ZNF675: variants seen among roughly 807,000 people sequenced by gnomAD.
ZNF675 encodes the protein zinc finger protein 675, also known as TRAF6 inhibitory zinc finger.
ZNF675 carries 36 observed loss-of-function variants against 56.1 expected under a neutral mutation model. The ratio of observed to expected loss-of-function variants is 0.64; its 90% CI spans 0.49 to 0.85. The LOEUF is 0.85. Ranked by LOEUF, ZNF675 falls within the 40% of genes least tolerant of loss-of-function variation. The probability of loss-of-function intolerance (pLI) is 0.00; values close to 1 mark genes in which losing one functional copy is unlikely to be tolerated. For synonymous variants in ZNF675, 200 were observed against 218.9 expected (o/e 0.91, Z 0.76); for missense variants, 663 against 654.2 (o/e 1.01, Z -0.15).
chr19:23,677,098 G>A (rs146253291), intron 1 of ZNF675, among the ~76,000 whole-genome samples: 6 of 143,450 alleles, frequency 4.2e-5, no homozygotes, highest in South Asian at 2.1e-4. Context: ...AAAGAGAAAA[G>A]AAAAAAAAGA....
At chr19:23,678,345 C>T (rs1484637172) in intron 1 of ZNF675, among the ~76,000 whole-genome samples, 1 of 149,538 alleles carries the variant, frequency 6.7e-6, no homozygotes, top group African/African-American at 2.5e-5. Context: ...GCAACCTCCA[C>T]ATCCTGGGTT....
intron 1 of ZNF675, among the ~76,000 whole-genome samples, chr19:23,683,392 CT>C (rs1968401868): frequency 1.3e-5 from 2 of 148,858 alleles, no homozygotes; most frequent in Admixed American, 6.6e-5. Flanking sequence ...CAATTATCTA[CT>C]ACATTTTCTT....
At chr19:23,662,549 T>TA (rs1472429023) in intron 2 of ZNF675, among the ~76,000 whole-genome samples, 1 of 152,190 alleles carries the variant, frequency 6.6e-6, no homozygotes, top group Non-Finnish European at 1.5e-5. Context: ...TGAAACATAC[T>TA]AAAGAAATTC....
intron 1 of ZNF675, among the ~76,000 whole-genome samples, chr19:23,672,471 G>A (rs1238222204): frequency 6.6e-6 from 1 of 152,120 alleles, no homozygotes; most frequent in Non-Finnish European, 1.5e-5. Context: ...CTCAAAAAGG[G>A]GTTTTAATAT....
intron 1 of ZNF675, among the ~76,000 whole-genome samples, chr19:23,678,589 T>C (rs1273004625): frequency 7.1e-6 from 1 of 140,896 alleles, no homozygotes; most frequent in African/African-American, 2.6e-5. Flanking sequence ...AAAAATTAAA[T>C]ACATATGGAA....
In ZNF675 at chr19:23,654,409, T is replaced by C; in HGVS notation, c.524A>G (p.Lys175Arg). ...KHMENKPFKC[K>R]ECGRSFCMLS... ...CATGCAAAATGATCTGCCACATTCT[T>C]TACATTTGAAAGGTTTATTTTCCAT... Residue 175 changes from lysine to arginine, a missense_variant, in exon 4 of 4, where the codon AAA (lysine) becomes AGA (arginine). Lys to Arg is a conservative substitution (Grantham distance 26). Coordinates refer to ENST00000359788, the MANE Select transcript of ZNF675 (RefSeq NM_138330.3). The C allele has an allele frequency of 3.7e-6, 6 of 1,611,064 alleles. No individual in the cohort carries two copies. The highest frequency in any genetic ancestry group is 5.1e-6 in the Non-Finnish European group (6 of 1,178,188).
At chr19:23,676,934 C>T (rs1422043037) in intron 1 of ZNF675, among the ~76,000 whole-genome samples, 3 of 150,978 alleles carry the variant, frequency 2.0e-5, no homozygotes, top group Non-Finnish European at 2.9e-5. Flanking sequence ...ATTAGCCACG[C>T]GTGGTGGCGG....
In ZNF675 at chr19:23,663,023, T is replaced by C. The variant is rs1968101331; in HGVS notation, c.130+9A>G. ...AAAAAAAGAAACTGTGTGTTTAAGT[T>C]ATCCTTACCCAGGAAGACCAGGTTT... On this transcript the variant is annotated intron_variant, in intron 2 of 3. Transcript: ENST00000359788. 1 of 1,569,884 alleles carries C rather than the reference T, an allele frequency of 6.4e-7. No homozygotes were observed. Among genetic ancestry groups the C allele is most frequent in the African/African-American group, 1.4e-5 (1 of 71,856 alleles).
At position 23,653,532 on chromosome 19, in the gene ZNF675, A is replaced by T; in HGVS notation, c.1401T>A (p.Leu467=). 4 of 1,613,320 alleles carry T rather than the reference A, an allele frequency of 2.5e-6. No homozygotes were observed. Among genetic ancestry groups the T allele is most frequent in the Non-Finnish European group, 3.4e-6 (4 of 1,179,796 alleles). Residue 467 remains leucine (L), a synonymous_variant, in exon 4 of 4, where the codon CTT becomes CTA. Coordinates refer to ENST00000359788, the MANE Select transcript of ZNF675 (RefSeq NM_138330.3). Reference sequence around the variant, plus strand: ...CAGAATGAATTTTCTTATGTTCAGTAAGTTTTGAGGATTGGATAAAAGCTT... The same window carrying T: ...CAGAATGAATTTTCTTATGTTCAGTTAGTTTTGAGGATTGGATAAAAGCTT... The part of the protein sequence containing the change: ...CGKAFIQSSK[L]TEHKKIHSGE...
rs1186785998 is a variant in ZNF675, at chr19:23,653,900, A to G, written c.1033T>C (p.Cys345Arg). Residue 345 changes from cysteine (C) to arginine (R), a missense_variant, in exon 4 of 4, where the codon TGT becomes CGT. By Grantham distance (180) the Cys-to-Arg change is radical. Transcript: ENST00000359788. ...GAGGATCGGTTAAAAGCTTTTCCAC[A>G]TTCTTCACATTTGTAGGGTTTTTCT... ...TGEKPYKCEE[C>R]GKAFNRSSKL... 4 of 1,613,290 alleles carry G rather than the reference A, an allele frequency of 2.5e-6. No individual in the cohort carries two copies. The highest frequency in any genetic ancestry group is 1.1e-5 in the South Asian group (1 of 91,074).
Position 23,654,637 on chromosome 19 carries a change from G to C in ZNF675, c.296C>G (p.Thr99Arg). 6.2e-7 allele frequency: 1 copy of C among 1,600,484 alleles called. No individual in the cohort carries two copies. ...QNIKDSFEKVTLRRYEKCGND... is the reference protein window; with the variant it reads ...QNIKDSFEKVRLRRYEKCGND... ...TCCACATTTTTCATATCTTCTCAGT[G>C]TCACTTTTTCAAAAGAATCTTTTAT... Residue 99 changes from threonine to arginine, a missense_variant, in exon 4 of 4, where the codon ACA becomes AGA. This residue lies in a region of ZNF675 where 617 missense variants were observed against 590.5 expected (regional missense o/e 1.04). Coordinates refer to ENST00000359788, the MANE Select transcript of ZNF675 (RefSeq NM_138330.3).
intron 1 of ZNF675, among the ~76,000 whole-genome samples, chr19:23,685,166 T>C (rs1968427436): frequency 6.6e-6 from 1 of 152,116 alleles, no homozygotes; most frequent in Non-Finnish European, 1.5e-5. Context: ...GGTTTCACCA[T>C]GTTAGTCAGG....
intron 1 of ZNF675, among the ~76,000 whole-genome samples, chr19:23,681,784 G>A (rs1968379658): frequency 6.6e-6 from 1 of 151,680 alleles, no homozygotes; most frequent in Non-Finnish European, 1.5e-5. Flanking sequence ...TAATATAACA[G>A]AGCTATTCAC....
chr19:23,655,278 A>G (rs1042452762), intron 3 of ZNF675: 3 of 152,032 alleles, frequency 2.0e-5, no homozygotes, highest in African/African-American at 7.3e-5. Context: ...AATTATTTAC[A>G]TATAGAGGAA....
chr19:23,657,118 T>C (rs1034146001), intron 3 of ZNF675: 1 of 152,126 alleles, frequency 6.6e-6, no homozygotes, highest in Non-Finnish European at 1.5e-5. Context: ...AAATTTTTTG[T>C]AGACAGAGAA....
At chr19:23,658,675 G>C (rs1968021100) in intron 3 of ZNF675, 1 of 151,300 alleles carries the variant, frequency 6.6e-6, no homozygotes, top group Non-Finnish European at 1.5e-5. Flanking sequence ...GCGAGACTCT[G>C]TCTCAAAAAA....
intron 1 of ZNF675, among the ~76,000 whole-genome samples, chr19:23,673,954 A>G (rs1968258180): frequency 1.3e-5 from 2 of 151,918 alleles, no homozygotes; most frequent in South Asian, 4.1e-4. Flanking sequence ...TGTAATCCCA[A>G]CACTTTGGGA....
intron 1 of ZNF675, among the ~76,000 whole-genome samples, chr19:23,670,355 C>A (rs1968212947): frequency 6.6e-6 from 1 of 152,170 alleles, no homozygotes; most frequent in Admixed American, 6.5e-5. Context: ...TTGCAAGAGG[C>A]AGGGCAAATG....
At chr19:23,678,595 T>A (rs912673779) in intron 1 of ZNF675, among the ~76,000 whole-genome samples, 1 of 149,354 alleles carries the variant, frequency 6.7e-6, no homozygotes, top group African/African-American at 2.5e-5. Context: ...TAAATACATA[T>A]GGAACCAAAA....
Sources: allele counts gnomAD v4.1 joint callset (sites outside exome capture counted in the v4.1 genomes callset), GRCh38; gene constraint gnomAD v4.1.1; regional missense constraint gnomAD v4.1.1; transcripts MANE v1.5; gene names NCBI Gene and HGNC (gene_info 2026-07-23, HGNC 2026-07-21).